The following SGMS1 variants were observed in gnomAD, a reference collection of about 807,000 sequenced individuals.
The protein encoded by SGMS1 is sphingomyelin synthase 1.
SGMS1 carries 13 observed loss-of-function variants against 46.2 expected under a neutral mutation model. The observed-to-expected ratio is 0.28, with a 90% CI of 0.18 to 0.45. SGMS1 has a LOEUF of 0.45. Among genes scored for constraint, SGMS1 ranks in the 20% least tolerant of loss-of-function variants. The pLI is 1.00. For synonymous variants in SGMS1, 203 were observed against 187.8 expected, an observed-to-expected ratio of 1.08 and a Z score of -0.66; for missense variants, 324 against 519.9, an observed-to-expected ratio of 0.62 and a Z score of 3.66.
chr10:50,615,428 C>T (rs1838787575), intron 1 of SGMS1, among the ~76,000 whole-genome samples: 1 of 152,186 alleles, frequency 6.6e-6, no homozygotes, highest in African/African-American at 2.4e-5. Context: ...CACAATAACC[C>T]TGTAAGATGG....
intron 5 of SGMS1, among the ~76,000 whole-genome samples, chr10:50,435,751 AAAACAAAC>A (rs560542289): frequency 1.3e-5 from 2 of 152,176 alleles, no homozygotes; most frequent in Non-Finnish European, 2.9e-5. Flanking sequence ...AGTTATGTTA[AAAACAAAC>A]AAACAAACAA....
At chr10:50,468,857 A>G (rs180761806) in intron 3 of SGMS1, among the ~76,000 whole-genome samples, 10 of 152,366 alleles carry the variant, frequency 6.6e-5, no homozygotes, top group African/African-American at 2.2e-4. Flanking sequence ...GTAGCTAAAA[A>G]GATCTTCCTA....
intron 7 of SGMS1, among the ~76,000 whole-genome samples, chr10:50,336,295 G>A (rs1406281195): frequency 6.6e-6 from 1 of 152,194 alleles, no homozygotes; most frequent in African/African-American, 2.4e-5. Context: ...CAGAATCAAG[G>A]GAAGAGAGAA....
At chr10:50,311,235 A>G in intron 9 of SGMS1, 27 bp downstream of exon 9, 1 of 1,598,528 alleles carries the variant, frequency 6.3e-7, no homozygotes, top group Non-Finnish European at 8.5e-7. Context: ...AGGTGAGGAA[A>G]TTACAATGGA....
At chr10:50,476,881 G>A (rs1404391745) in intron 3 of SGMS1, among the ~76,000 whole-genome samples, 2 of 152,254 alleles carry the variant, frequency 1.3e-5, no homozygotes, top group South Asian at 2.1e-4. Context: ...CTAGATTTCA[G>A]ACATTATATG....
chr10:50,587,301 A>G (rs1008863824), intron 2 of SGMS1, among the ~76,000 whole-genome samples: 1 of 152,254 alleles, frequency 6.6e-6, no homozygotes, highest in Admixed American at 6.5e-5. Flanking sequence ...TAGCAGAAAA[A>G]AAAATTAAGG....
chr10:50,580,425 C>CCT (rs1002297456), intron 2 of SGMS1, among the ~76,000 whole-genome samples: 1 of 65,480 alleles, frequency 1.5e-5, no homozygotes. Flanking sequence ...AAGTTAGGGA[C>CCT]CCCCCCCCAA....
At chr10:50,410,058 T>C (rs1220048814) in intron 6 of SGMS1, among the ~76,000 whole-genome samples, 1 of 152,226 alleles carries the variant, frequency 6.6e-6, no homozygotes, top group Admixed American at 6.5e-5. Context: ...ACACACTAAC[T>C]AGCAAAGTAG....
At chr10:50,460,953 A>C (rs1394826195) in intron 4 of SGMS1, 139 bp from the exon 5 acceptor site, 1 of 152,168 alleles carries the variant, frequency 6.6e-6, no homozygotes, top group East Asian at 1.9e-4. Context: ...GAAACAAAGA[A>C]TTCACAATGA....
chr10:50,382,568 T>TACACACACACACACACACACACATAC (rs1554931786), intron 6 of SGMS1, among the ~76,000 whole-genome samples: 3 of 142,762 alleles, frequency 2.1e-5, no homozygotes, highest in African/African-American at 7.8e-5. Context: ...AACACACACA[T>TACACACACACACACACACACACATAC]ACACACACAC....
chr10:50,586,891 A>C (rs1293750116), intron 2 of SGMS1, among the ~76,000 whole-genome samples: 1 of 152,268 alleles, frequency 6.6e-6, no homozygotes, highest in Non-Finnish European at 1.5e-5. Context: ...AACCCAAACA[A>C]TTACCCACAT....
chr10:50,406,781 T>C (rs952311474), intron 6 of SGMS1, among the ~76,000 whole-genome samples: 22 of 151,498 alleles, frequency 1.5e-4, no homozygotes, highest in African/African-American at 5.1e-4. Context: ...CCTAGCTCAC[T>C]GCAGCCTTGT....
intron 1 of SGMS1, among the ~76,000 whole-genome samples, chr10:50,604,910 C>T (rs1467988998): frequency 6.6e-6 from 1 of 152,166 alleles, no homozygotes; most frequent in African/African-American, 2.4e-5. Context: ...GATAAGCCTC[C>T]ATCTTCAGAT....
At chr10:50,536,411 G>T (rs912705579) in intron 2 of SGMS1, among the ~76,000 whole-genome samples, 2 of 152,146 alleles carry the variant, frequency 1.3e-5, no homozygotes, top group African/African-American at 4.8e-5. Context: ...GATTTAAAAT[G>T]ATAGAATATA....
chr10:50,488,337 G>A (rs1334345575), intron 3 of SGMS1, among the ~76,000 whole-genome samples: 1 of 151,982 alleles, frequency 6.6e-6, no homozygotes, highest in Non-Finnish European at 1.5e-5. Context: ...CTTAAAACAA[G>A]AGCCTCCAGA....
chr10:50,614,012 C>T (rs188506634), intron 1 of SGMS1, among the ~76,000 whole-genome samples: 16 of 152,204 alleles, frequency 1.1e-4, no homozygotes, highest in African/African-American at 3.6e-4. Context: ...ATAAGATTAT[C>T]TTCTGCCTCT....
intron 5 of SGMS1, among the ~76,000 whole-genome samples, chr10:50,450,851 T>C (rs1837099467): frequency 6.6e-6 from 1 of 151,930 alleles, no homozygotes; most frequent in East Asian, 1.9e-4. Context: ...ATTCAATTTA[T>C]TAAAAATATC....
At chr10:50,359,211 CT>C (rs1403887493) in intron 6 of SGMS1, among the ~76,000 whole-genome samples, 2 of 152,182 alleles carry the variant, frequency 1.3e-5, no homozygotes, top group Admixed American at 6.5e-5. Flanking sequence ...AGACTTTAGG[CT>C]GTTAGAAGAG....
chr10:50,503,306 T>G (rs1442035294), intron 3 of SGMS1, among the ~76,000 whole-genome samples: 1 of 152,210 alleles, frequency 6.6e-6, no homozygotes, highest in Non-Finnish European at 1.5e-5. Context: ...CTAATTGTCC[T>G]AAGTGTAGCG....
Sources: allele counts gnomAD v4.1 joint callset (sites outside exome capture counted in the v4.1 genomes callset), GRCh38; gene constraint gnomAD v4.1.1; transcripts MANE v1.5; gene names NCBI Gene and HGNC (gene_info 2026-07-23, HGNC 2026-07-21).